Variants in LEPR observed in about 807,000 individuals in gnomAD.
LEPR encodes OB receptor.
Under a neutral mutation model 114.7 loss-of-function variants are expected in LEPR, and 56 were observed. That is an observed-to-expected ratio of 0.49 (90% CI 0.39 to 0.61). The LOEUF (loss-of-function observed/expected upper bound fraction) is 0.61, where lower values mean the gene tolerates loss of function less well. Ranked by LOEUF, LEPR falls within the 20% of genes least tolerant of loss-of-function variation. The probability of loss-of-function intolerance (pLI) is 0.00; values close to 1 mark genes in which losing one functional copy is unlikely to be tolerated. For synonymous variants in LEPR, 443 were observed against 461.4 expected (o/e 0.96, Z 0.51); for missense variants, 1,202 against 1,352.9 (o/e 0.89, Z 1.75).
At chr1:65,602,814 C>T (rs543925077) in intron 10 of LEPR, among the ~76,000 whole-genome samples, 5 of 151,960 alleles carry the variant, frequency 3.3e-5, no homozygotes, top group South Asian at 2.1e-4. Context: ...TCTTATGTAG[C>T]GTTAGGAAAA....
At chr1:65,480,263 G>A (rs1317205118) in intron 2 of LEPR, among the ~76,000 whole-genome samples, 5 of 152,048 alleles carry the variant, frequency 3.3e-5, no homozygotes, top group South Asian at 2.1e-4. Flanking sequence ...AAGAAAAACC[G>A]TATCGAGATG....
At chr1:65,452,166 A>C (rs1646795060) in intron 2 of LEPR, among the ~76,000 whole-genome samples, 1 of 152,208 alleles carries the variant, frequency 6.6e-6, no homozygotes, top group African/African-American at 2.4e-5. Context: ...TATCAATTTA[A>C]GGAGATTTTG....
intron 2 of LEPR, among the ~76,000 whole-genome samples, chr1:65,511,513 A>C (rs1649037387): frequency 6.6e-6 from 1 of 152,158 alleles, no homozygotes; most frequent in South Asian, 2.1e-4. Context: ...TCTTGCAATC[A>C]CATTGCCCCA....
At chr1:65,505,470 T>TACTCC (rs1648676874) in intron 2 of LEPR, among the ~76,000 whole-genome samples, 2 of 152,226 alleles carry the variant, frequency 1.3e-5, no homozygotes, top group Admixed American at 1.3e-4. Flanking sequence ...ACCTTGTTTG[T>TACTCC]ACTCCAGGAG....
chr1:65,526,167 C>T, intron 2 of LEPR: 1 of 983,764 alleles, frequency 1.0e-6, no homozygotes, highest in Non-Finnish European at 1.2e-6. Flanking sequence ...ACTTTGGAAA[C>T]TGAAGGGACT....
At chr1:65,624,448 A>C (rs1185215128) in intron 19 of LEPR, among the ~76,000 whole-genome samples, 1 of 152,170 alleles carries the variant, frequency 6.6e-6, no homozygotes, top group Non-Finnish European at 1.5e-5. Context: ...AGCCTGTTCT[A>C]ATAGCAGCTG....
At chr1:65,494,369 C>G (rs1648040156) in intron 2 of LEPR, among the ~76,000 whole-genome samples, 1 of 152,106 alleles carries the variant, frequency 6.6e-6, no homozygotes, top group Non-Finnish European at 1.5e-5. Flanking sequence ...ATCTCCCCTC[C>G]TCCTATATCT....
intron 2 of LEPR, among the ~76,000 whole-genome samples, chr1:65,549,415 G>T (rs553460822): frequency 1.7e-4 from 26 of 152,238 alleles, no homozygotes; most frequent in Admixed American, 2.6e-4. Flanking sequence ...TTCCAACTTG[G>T]TTCCATTCTC....
intron 2 of LEPR, among the ~76,000 whole-genome samples, chr1:65,528,838 T>C (rs1438510655): frequency 3.3e-5 from 5 of 152,204 alleles, no homozygotes; most frequent in African/African-American, 1.2e-4. Context: ...GGTGTCTTGC[T>C]CTGTCGCCCA....
intron 2 of LEPR, among the ~76,000 whole-genome samples, chr1:65,487,813 G>T (rs1647571778): frequency 6.6e-6 from 1 of 151,952 alleles, no homozygotes; most frequent in African/African-American, 2.4e-5. Context: ...GGTAATTGGG[G>T]TATGCATCAC....
At chr1:65,617,276 GA>G (rs1255695747) in intron 15 of LEPR, among the ~76,000 whole-genome samples, 1 of 151,878 alleles carries the variant, frequency 6.6e-6, no homozygotes. Context: ...TGAAAGGAAT[GA>G]AAAAAAGGAA....
chr1:65,443,630 A>C (rs2100291317), intron 2 of LEPR, among the ~76,000 whole-genome samples: 1 of 152,276 alleles, frequency 6.6e-6, no homozygotes, highest in Middle Eastern at 3.4e-3. Flanking sequence ...TGATTGGATG[A>C]GTTCATATTG....
intron 9 of LEPR, 40 bp from the exon 10 acceptor site, chr1:65,601,803 G>A: frequency 6.3e-7 from 1 of 1,585,032 alleles, no homozygotes. Flanking sequence ...ATTTTTTGGA[G>A]TTTTTGCTTT....
At chr1:65,498,330 C>T (rs1648267182) in intron 2 of LEPR, among the ~76,000 whole-genome samples, 1 of 152,126 alleles carries the variant, frequency 6.6e-6, no homozygotes, top group Non-Finnish European at 1.5e-5. Flanking sequence ...TAAATAACTG[C>T]TGAGGGCTTT....
intron 19 of LEPR, among the ~76,000 whole-genome samples, chr1:65,630,696 T>TTGTGTGTGTGTG (rs71058415): frequency 6.7e-6 from 1 of 149,544 alleles, no homozygotes; most frequent in African/African-American, 2.5e-5. Context: ...TTTCTTTGTT[T>TTGTGTGTGTGTG]TGTGTGTGTG....
intron 7 of LEPR, 85 bp from the exon 8 acceptor site, chr1:65,598,575 A>G: frequency 5.7e-6 from 9 of 1,570,162 alleles, no homozygotes; most frequent in Non-Finnish European, 6.9e-6. Context: ...ATTCTTTGAA[A>G]TTTGATGAGA....
chr1:65,499,978 A>G (rs561439706), intron 2 of LEPR, among the ~76,000 whole-genome samples: 3 of 152,016 alleles, frequency 2.0e-5, no homozygotes, highest in Non-Finnish European at 4.4e-5. Flanking sequence ...ATGTCAGGGG[A>G]GGGAGCTTGT....
intron 19 of LEPR, among the ~76,000 whole-genome samples, chr1:65,628,270 A>G (rs1658334169): frequency 6.6e-6 from 1 of 152,142 alleles, no homozygotes; most frequent in Non-Finnish European, 1.5e-5. Context: ...GGATAATATA[A>G]AGATGAAAAT....
chr1:65,519,518 G>A (rs916798480), intron 2 of LEPR, among the ~76,000 whole-genome samples: 3 of 151,804 alleles, frequency 2.0e-5, no homozygotes, highest in African/African-American at 7.3e-5. Flanking sequence ...TATTCTCTAG[G>A]GTAATATATA....
Sources: gnomAD v4.1 joint callset for allele counts (sites outside exome capture counted in the v4.1 genomes callset) on GRCh38, gnomAD v4.1.1 for gene constraint, MANE v1.5 for transcripts, NCBI Gene and HGNC (gene_info 2026-07-23, HGNC 2026-07-21) for gene names.